Variants in XAB2 observed in about 807,000 individuals in gnomAD.
The protein encoded by XAB2 is XPA binding protein 2.
XAB2 carries 57 observed loss-of-function variants against 113.4 expected under a neutral mutation model. The observed-to-expected ratio is 0.50, with a 90% confidence interval of 0.41 to 0.63. The LOEUF (loss-of-function observed/expected upper bound fraction) is 0.63. Among genes scored for constraint, XAB2 ranks in the 20% least tolerant of loss-of-function variants. The probability of loss-of-function intolerance (pLI) is 0.00; values close to 1 mark genes in which losing one functional copy is unlikely to be tolerated. For missense variants in XAB2, 1,037 were observed against 1,233.3 expected (o/e 0.84, Z 2.38); for synonymous variants, 497 against 498.8 (o/e 1.00, Z 0.05).
At position 7,627,383 on chromosome 19, in the gene XAB2, G is replaced by A. The variant is rs756929913; in HGVS notation, c.382C>T (p.His128Tyr). ...GCACGGTCGAAGGTGCGGCGGGTGT[G>A]TGTGACGCGCCCCTGGTCCATGAGG... ...QFLMDQGRVT[H>Y]TRRTFDRALR... The change falls in exon 4 of 19, where the codon CAC becomes TAC. Residue 128 changes from histidine to tyrosine, a missense_variant. Transcript: ENST00000358368. This position sits in a 1 kb window ranked among gnomAD's most constrained non-coding sequence, Gnocchi z 4.5. The A allele has an allele frequency of 1.8e-5, 29 of 1,608,126 alleles. No homozygotes were observed. The highest frequency in any genetic ancestry group is 2.5e-5 in the Non-Finnish European group (29 of 1,178,114).
In XAB2 at chr19:7,623,373, G is replaced by A; in HGVS notation, c.1120-84C>T. ...GCAGAGCTGTGGCTCTGAGGGGTGG[G>A]GCCTGGAGGGTGCTGTGGCCCCTGT... On this transcript the variant is annotated intron_variant, in intron 8 of 18. Transcript: ENST00000358368. The surrounding 1 kb of genome is among the most constrained non-coding windows in gnomAD (Gnocchi z 4.6). 1.9e-6 allele frequency: 3 copies of A among 1,558,920 alleles called. No individual in the cohort carries two copies. The highest frequency in any genetic ancestry group is 2.6e-6 in the Non-Finnish European group (3 of 1,148,294).
At position 7,628,057 on chromosome 19, in the gene XAB2, T is replaced by A; in HGVS notation, c.200+93A>T. The stretch of plus-strand genomic sequence containing the variant: ...AGGTCAGTGATGAAACACGAAGCAA[T>A]CACCCGGGACCCGGGACCCACTTGG... On this transcript the variant is annotated intron_variant, in intron 2 of 18. Transcript: ENST00000358368. The surrounding 1 kb of genome is among the most constrained non-coding windows in gnomAD (Gnocchi z 4.6). 1 of 1,516,148 alleles carries A rather than the reference T, an allele frequency of 6.6e-7. No individual in the cohort carries two copies. 93.9% of individuals were successfully genotyped at this position (1,516,148 alleles called of 1,614,324 possible). A position where few individuals can be genotyped will look rare whatever the true frequency, so the allele number is the denominator to read the frequency against.
In XAB2 at chr19:7,622,314, CCACCCTAGCCCCT is replaced by C. The variant is rs2031050260; in HGVS notation, c.1617+4_1617+16del. 1 of 1,612,886 alleles carries C rather than the reference CCACCCTAGCCCCT, an allele frequency of 6.2e-7. No individual in the cohort carries two copies. The highest frequency in any genetic ancestry group is 1.3e-5 in the African/African-American group (1 of 75,018). ...ACACTGCCATCAGGGGCCTCTGGGT[CCACCCTAGCCCCT>C]CACCTTGAAGCTCTCCTCGAAGTAC... On this transcript the variant is annotated splice_donor_5th_base_variant and intron_variant, in intron 12 of 18. Transcript: ENST00000358368.
chr19:7,621,422 C>T (rs371940298), intron 12 of XAB2, 125 bp from the exon 13 acceptor site: 18 of 1,051,076 alleles, frequency 1.7e-5, no homozygotes, highest in South Asian at 1.2e-4. Flanking sequence ...TCCCTGTCCA[C>T]GCCTCCCTGT....
In XAB2 at chr19:7,619,591, C is replaced by T. The variant is rs1190250306; in HGVS notation, c.2563G>A (p.Asp855Asn). ...GGGGATGGGGGAGGGACGGGTCAGT[C>T]TTCCTTCAGGCTCCCAAACACTGCG... Reference protein sequence around the residue: ...PAAVFGSLKED With the variant: ...PAAVFGSLKEN Residue 855 changes from aspartate to asparagine, a missense_variant, in exon 19 of 19, where the codon GAC (aspartate) becomes AAC (asparagine). Coordinates refer to ENST00000358368, the MANE Select transcript of XAB2 (RefSeq NM_020196.3). The T allele has an allele frequency of 4.4e-6, 7 of 1,593,206 alleles. No homozygotes were observed. The highest frequency in any genetic ancestry group is 3.4e-5 in the South Asian group (3 of 87,526).
At chr19:7,620,149 C>T in intron 16 of XAB2, 74 bp from the exon 17 acceptor site, 4 of 1,593,974 alleles carry the variant, frequency 2.5e-6, no homozygotes, top group Admixed American at 1.7e-5. Flanking sequence ...ATCCCAGTCC[C>T]CCAGGTGATG....
At position 7,629,499 on chromosome 19, in the gene XAB2, G is replaced by T. The variant is rs745944962; in HGVS notation, c.29C>A (p.Pro10His). The T allele has an allele frequency of 3.1e-5, 50 of 1,604,336 alleles. No individual in the cohort carries two copies. The highest frequency in any genetic ancestry group is 3.9e-5 in the Non-Finnish European group (46 of 1,175,828). The change falls in exon 1 of 19, where the codon CCC becomes CAC. Residue 10 changes from proline (P) to histidine (H), a missense_variant. By Grantham distance (77) the Pro-to-His change is moderately conservative. Coordinates refer to ENST00000358368, the MANE Select transcript of XAB2 (RefSeq NM_020196.3). MVVMARLSR[P>H]ERPDLVFEEE... ...CACGAAGACAAGGTCCGGCCGCTCGGGCCGCGAGAGTCGCGCCATCACCAC... is the reference window on the plus strand; with the variant it reads ...CACGAAGACAAGGTCCGGCCGCTCGTGCCGCGAGAGTCGCGCCATCACCAC...
intron 14 of XAB2, 35 bp from the exon 15 acceptor site, chr19:7,620,704 C>T (rs201134117): frequency 6.2e-7 from 1 of 1,608,722 alleles, no homozygotes; most frequent in East Asian, 2.2e-5. Flanking sequence ...GGGAGTGAGG[C>T]CGGGGTAGCT....
In XAB2 at chr19:7,622,353, T is replaced by C; in HGVS notation, c.1595A>G (p.Lys532Arg). 3 of 1,614,162 alleles carry C rather than the reference T, an allele frequency of 1.9e-6. No individual in the cohort carries two copies. The highest frequency in any genetic ancestry group is 1.7e-5 in the Admixed American group (1 of 60,020). ...CACCTTGAAGCTCTCCTCGAAGTAC[T>C]TGTGCTCCTCCAGGAACATGGCATA... ...INYAMFLEEH[K>R]YFEESFKAYE... is the part of the protein sequence containing the mutation. The change falls in exon 12 of 19, where the codon AAG becomes AGG. Residue 532 changes from lysine (K) to arginine (R), a missense_variant. Transcript: ENST00000358368.
In XAB2 at chr19:7,625,878, ACC is replaced by A; in HGVS notation, c.822_822+1del. ...CCCAGAGCCCCGTGTGCCAGCATGC[ACC>A]TTCTCGAAATGGCCGCTGCGGATGT... is the stretch of plus-strand genomic sequence containing the variant. On this transcript the variant is annotated splice_donor_variant and coding_sequence_variant, in exon 6 of 19. Coordinates refer to ENST00000358368, the MANE Select transcript of XAB2 (RefSeq NM_020196.3). LOFTEE classifies it high-confidence loss of function. The surrounding 1 kb of genome is among the most constrained non-coding windows in gnomAD (Gnocchi z 5.2). 6.2e-7 allele frequency: 1 copy of A among 1,601,264 alleles called. No individual in the cohort carries two copies. Among genetic ancestry groups the A allele is most frequent in the Non-Finnish European group, 8.5e-7 (1 of 1,171,212 alleles).
In XAB2 at chr19:7,623,029, T is replaced by G; in HGVS notation, c.1240-136A>C. The G allele has an allele frequency of 6.5e-7, 1 of 1,539,864 alleles. No homozygotes were observed. The highest frequency in any genetic ancestry group is 1.4e-5 in the African/African-American group (1 of 73,580). ...GCACACACACAGGCACACACATGCG[T>G]GCACATATGCATGCACCCAAATGCA... On this transcript the variant is annotated intron_variant, in intron 9 of 18. Transcript: ENST00000358368. This position sits in a 1 kb window ranked among gnomAD's most constrained non-coding sequence, Gnocchi z 4.6.
chr19:7,621,048 A>T lies in XAB2; in HGVS notation c.1781-12T>A. ...CAGCAGGTACAAGGCTGGGCGGGGT[A>T]GGCGGGGAGAGGGGAGCACGGTCAG... On this transcript the variant is annotated splice_polypyrimidine_tract_variant and intron_variant, in intron 13 of 18. Transcript: ENST00000358368. 6.5e-7 allele frequency: 1 copy of T among 1,543,084 alleles called. No individual in the cohort carries two copies. Among genetic ancestry groups the T allele is most frequent in the Non-Finnish European group, 8.7e-7 (1 of 1,144,718 alleles).
rs2031116530 is a variant in XAB2 at position 7,625,396 on chromosome 19, T to C, written c.822+484A>G. Among the ~76,000 whole-genome samples the C allele has an allele frequency of 1.3e-5, 2 of 151,794 alleles. No homozygotes were observed. Among genetic ancestry groups the C allele is most frequent in the African/African-American group, 2.4e-5 (1 of 41,290 alleles). ...TGGCTGACTCCAAGGCTGACGTGCCTGCGGGCAGGAGTGCTCCCCCACCCT... is the reference window on the plus strand; with the variant it reads ...TGGCTGACTCCAAGGCTGACGTGCCCGCGGGCAGGAGTGCTCCCCCACCCT... On this transcript the variant is annotated intron_variant, in intron 6 of 18. Transcript: ENST00000358368. This position sits in a 1 kb window ranked among gnomAD's most constrained non-coding sequence, Gnocchi z 5.2.
In XAB2 at chr19:7,620,924, C is replaced by A; in HGVS notation, c.1893G>T (p.Met631Ile). The A allele has an allele frequency of 6.2e-7, 1 of 1,601,774 alleles. No homozygotes were observed. Among genetic ancestry groups the A allele is most frequent in the Non-Finnish European group, 8.5e-7 (1 of 1,175,890 alleles). Residue 631 changes from methionine (M) to isoleucine (I), a missense_variant, in exon 14 of 19, where the codon ATG becomes ATT. By Grantham distance (10) the Met-to-Ile change is conservative (BLOSUM62 1). Coordinates refer to ENST00000358368, the MANE Select transcript of XAB2 (RefSeq NM_020196.3). ...CCGCCCGCTTGATGTAGATGTTGAA[C>A]ATGTCATACTGCTGGGCGGGCTCCA... Reference protein sequence around the residue: ...RAVEPAQQYDMFNIYIKRAAE... With the variant: ...RAVEPAQQYDIFNIYIKRAAE...
chr19:7,628,459 T>C lies in XAB2; in HGVS notation c.52-161A>G. Among the ~76,000 whole-genome samples, 1 of 152,086 alleles carries C rather than the reference T, an allele frequency of 6.6e-6. No homozygotes were observed. Among genetic ancestry groups the C allele is most frequent in the Non-Finnish European group, 1.5e-5 (1 of 68,002 alleles). ...CCAGATGCCCAGGCACCAAACCAGA[T>C]GCCCGACACCAAGACAGTGGCCCAG... On this transcript the variant is annotated intron_variant, in intron 1 of 18. Transcript: ENST00000358368. This position sits in a 1 kb window ranked among gnomAD's most constrained non-coding sequence, Gnocchi z 4.6.
In XAB2 at chr19:7,625,096, T is replaced by C. The variant is rs1845548940; in HGVS notation, c.823-651A>G. Among the ~76,000 whole-genome samples, 1 of 152,162 alleles carries C rather than the reference T, an allele frequency of 6.6e-6. No individual in the cohort carries two copies. Among genetic ancestry groups the C allele is most frequent in the Admixed American group, 6.5e-5 (1 of 15,282 alleles). ...AGGCTCCCAACCTATCTTCCCTGGG[T>C]TCCTGAGCCTCCCCGCTCTCGGCTC... On this transcript the variant is annotated intron_variant, in intron 6 of 18. Coordinates refer to ENST00000358368, the MANE Select transcript of XAB2 (RefSeq NM_020196.3). The surrounding 1 kb of genome is among the most constrained non-coding windows in gnomAD (Gnocchi z 5.2).
At position 7,628,711 on chromosome 19, in the gene XAB2, G is replaced by A. The variant is rs2031194702; in HGVS notation, c.52-413C>T. Among the ~76,000 whole-genome samples the A allele has an allele frequency of 6.6e-6, 1 of 151,994 alleles. No individual in the cohort carries two copies. Among genetic ancestry groups the A allele is most frequent in the Admixed American group, 6.6e-5 (1 of 15,262 alleles). On this transcript the variant is annotated intron_variant, in intron 1 of 18. Transcript: ENST00000358368. This position sits in a 1 kb window ranked among gnomAD's most constrained non-coding sequence, Gnocchi z 4.6. ...CAGACACCAGGCCTTTGGCCCCTCA[G>A]ACTCCCACTGTCACCATCTGACCCA...
Position 7,621,153 on chromosome 19 carries a change from G to A in XAB2, c.1762C>T (p.Pro588Ser), listed in dbSNP as rs1379079948. 1.2e-6 allele frequency: 2 copies of A among 1,609,944 alleles called. No individual in the cohort carries two copies. Among genetic ancestry groups the A allele is most frequent in the South Asian group, 2.2e-5 (2 of 90,724 alleles). ...DLFEQALDGC[P>S]PKYAKTLYLL... The stretch of plus-strand genomic sequence containing the variant: ...GCCTCACTCTTGGCATATTTTGGGG[G>A]GCAGCCGTCCAGAGCCTGTTCAAAC... The change falls in exon 13 of 19, where the codon CCC becomes TCC. Residue 588 changes from proline to serine, a missense_variant. Physicochemically the swap from Pro to Ser is moderately conservative, Grantham distance 74 (BLOSUM62 -1). Transcript: ENST00000358368.
At chr19:7,622,037 A>G (rs1380740772) in intron 12 of XAB2, 1 of 341,020 alleles carries the variant, frequency 2.9e-6, no homozygotes, top group Non-Finnish European at 5.5e-6. Flanking sequence ...GATGTCCTTT[A>G]TAAGAAGAGG....
Sources: gnomAD v4.1 joint callset for allele counts (sites outside exome capture counted in the v4.1 genomes callset) on GRCh38, gnomAD v4.1.1 for gene constraint, Gnocchi (gnomAD v3.1) non-coding constraint, MANE v1.5 for transcripts, NCBI Gene and HGNC (gene_info 2026-07-23, HGNC 2026-07-21) for gene names.